RANBP10: variants seen among roughly 807,000 people sequenced by gnomAD.
RANBP10 encodes the protein RAN binding protein 10.
RANBP10 carries 24 observed loss-of-function variants against 72.8 expected under a neutral mutation model. The ratio of observed to expected loss-of-function variants is 0.33; its 90% CI spans 0.24 to 0.46. RANBP10 has a LOEUF of 0.46. Ranked by LOEUF, RANBP10 falls within the 20% of genes least tolerant of loss-of-function variation. The pLI is 1.00. For missense variants in RANBP10, 679 were observed against 817.5 expected (o/e 0.83, Z 2.07); for synonymous variants, 310 against 322.3 (o/e 0.96, Z 0.41).
Position 67,806,531 on chromosome 16 carries a change from C to A in RANBP10, c.6G>T (p.Ala2=), listed in dbSNP as rs1367553927. The change falls in exon 1 of 14, where the codon GCG becomes GCT. Residue 2 remains alanine, a synonymous_variant. Coordinates refer to ENST00000317506, the MANE Select transcript of RANBP10 (RefSeq NM_020850.3). The part of the protein sequence containing the change: M[A]AATADPGAGN... ...CAGCTCCCGGGTCTGCCGTCGCTGC[C>A]GCCATCTTGGAGGGAGCTACTATTG... 1 of 1,504,854 alleles carries A rather than the reference C, an allele frequency of 6.6e-7. No individual in the cohort carries two copies. Among genetic ancestry groups the A allele is most frequent in the East Asian group, 2.5e-5 (1 of 40,718 alleles). 93.2% of individuals were successfully genotyped at this position (1,504,854 alleles called of 1,614,324 possible).
chr16:67,755,721 T>C (rs1412202189), intron 3 of RANBP10, among the ~76,000 whole-genome samples: 1 of 141,664 alleles, frequency 7.1e-6, no homozygotes, highest in Admixed American at 7.1e-5. Context: ...CAAGTGGACA[T>C]GGCTGCTTGG....
intron 3 of RANBP10, among the ~76,000 whole-genome samples, chr16:67,747,072 G>C (rs1440106383): frequency 1.3e-5 from 2 of 152,220 alleles, no homozygotes; most frequent in Non-Finnish European, 2.9e-5. Flanking sequence ...TGGGTTATAA[G>C]ATAAGTGTAT....
intron 3 of RANBP10, 46 bp downstream of exon 3, chr16:67,771,988 T>C (rs757371319): frequency 1.3e-5 from 20 of 1,583,226 alleles, no homozygotes; most frequent in Non-Finnish European, 1.6e-5. Context: ...TCAACCCCAA[T>C]TGGATCAGGA....
chr16:67,761,401 C>A (rs1304612700), intron 3 of RANBP10, among the ~76,000 whole-genome samples: 1 of 152,156 alleles, frequency 6.6e-6, no homozygotes, highest in African/African-American at 2.4e-5. Context: ...AGAAAACACT[C>A]AAAACATCAA....
At chr16:67,737,904 G>T in intron 5 of RANBP10, 109 bp downstream of exon 5, 2 of 1,394,646 alleles carry the variant, frequency 1.4e-6, no homozygotes, top group South Asian at 1.2e-5. Context: ...ACACATCCCT[G>T]GTTGGGGAAA....
At chr16:67,764,570 A>T (rs1048559209) in intron 3 of RANBP10, among the ~76,000 whole-genome samples, 2 of 152,246 alleles carry the variant, frequency 1.3e-5, no homozygotes, top group Non-Finnish European at 2.9e-5. Context: ...GCAGTCTAAT[A>T]ATCTACTGTG....
At chr16:67,744,566 G>T in intron 3 of RANBP10, 111 bp from the exon 4 acceptor site, 1 of 1,190,862 alleles carries the variant, frequency 8.4e-7, no homozygotes, top group Non-Finnish European at 1.2e-6. Context: ...CCCCACCTCT[G>T]TCAGCACTCT....
At chr16:67,773,120 G>A (rs912065361) in intron 2 of RANBP10, among the ~76,000 whole-genome samples, 5 of 152,188 alleles carry the variant, frequency 3.3e-5, no homozygotes, top group Admixed American at 2.0e-4. Context: ...TGGAGGTGGG[G>A]CCTGGTGGCA....
rs576396067 is a variant in RANBP10 at position 67,788,285 on chromosome 16, C to G, written c.348-16199G>C. On this transcript the variant is annotated intron_variant, in intron 2 of 13. Coordinates refer to ENST00000317506, the MANE Select transcript of RANBP10 (RefSeq NM_020850.3). Reference sequence around the variant, plus strand: ...TTTTTTCTTTTGAGACAGAGTCTTGCTCTGTCGCCCAGGCTGGAGTGCAGT... The same window carrying G: ...TTTTTTCTTTTGAGACAGAGTCTTGGTCTGTCGCCCAGGCTGGAGTGCAGT... 2.0e-5 allele frequency among the ~76,000 whole-genome samples: 3 copies of G among 150,080 alleles called. No homozygotes were observed. The East Asian group carries it at 6.1e-4, about 31-fold the overall frequency.
chr16:67,752,372 G>A (rs1411975987), intron 3 of RANBP10, among the ~76,000 whole-genome samples: 2 of 152,154 alleles, frequency 1.3e-5, no homozygotes, highest in African/African-American at 4.8e-5. Context: ...ACAGGAGGCC[G>A]CTAGAAGCTA....
intron 3 of RANBP10, among the ~76,000 whole-genome samples, chr16:67,769,259 T>C (rs2054561468): frequency 6.6e-6 from 1 of 150,916 alleles, no homozygotes. Context: ...CTGGGCAACC[T>C]GGTGAAACCC....
intron 3 of RANBP10, among the ~76,000 whole-genome samples, chr16:67,768,710 T>C (rs748087626): frequency 6.6e-6 from 1 of 152,116 alleles, no homozygotes; most frequent in Non-Finnish European, 1.5e-5. Flanking sequence ...AGTGAGACCC[T>C]GTCTTTAAAT....
intron 3 of RANBP10, among the ~76,000 whole-genome samples, chr16:67,755,641 G>A (rs1204676496): frequency 2.8e-5 from 4 of 141,058 alleles, no homozygotes; most frequent in African/African-American, 5.4e-5. Context: ...CTAAGATCGC[G>A]CCACTGCACT....
At chr16:67,734,400 G>A (rs112877054) in intron 6 of RANBP10, among the ~76,000 whole-genome samples, 319 of 152,310 alleles carry the variant, frequency 2.1e-3, no homozygotes, top group Admixed American at 3.2e-3. Context: ...TGGTCCTAGG[G>A]AGAACTCCCT....
chr16:67,729,394 G>C lies in RANBP10; in HGVS notation c.1238C>G (p.Ser413Trp). 6.2e-7 allele frequency: 1 copy of C among 1,613,688 alleles called. No homozygotes were observed. Among genetic ancestry groups the C allele is most frequent in the Non-Finnish European group, 8.5e-7 (1 of 1,179,972 alleles). ...SKYPAPSSSS[S>W]SSSSSSSSSP... ...AGAGGACGAGGAGGAGGAGGAGGACGAGGATGAGGAGCTGGGTGCAGGGTA... is the reference window on the plus strand; with the variant it reads ...AGAGGACGAGGAGGAGGAGGAGGACCAGGATGAGGAGCTGGGTGCAGGGTA... Residue 413 changes from serine (S) to tryptophan (W), a missense_variant, in exon 10 of 14, where the codon TCG becomes TGG. Physicochemically the swap from Ser to Trp is radical, Grantham distance 177 (BLOSUM62 -3). Transcript: ENST00000317506. The surrounding 1 kb of genome is among the most constrained non-coding windows in gnomAD (Gnocchi z 7.1).
chr16:67,727,708 C>A, intron 12 of RANBP10, 43 bp downstream of exon 12: 1 of 1,612,964 alleles, frequency 6.2e-7, no homozygotes, highest in Non-Finnish European at 8.5e-7. Flanking sequence ...GCCCCCAACA[C>A]CAAATGGGGC....
chr16:67,758,479 G>A (rs888859339), intron 3 of RANBP10, among the ~76,000 whole-genome samples: 1 of 152,062 alleles, frequency 6.6e-6, no homozygotes, highest in South Asian at 2.1e-4. Context: ...CCTGAGCGAC[G>A]GCCAACCCCT....
At chr16:67,791,777 T>C (rs1042519618) in intron 2 of RANBP10, among the ~76,000 whole-genome samples, 4 of 152,138 alleles carry the variant, frequency 2.6e-5, no homozygotes, top group African/African-American at 9.7e-5. Context: ...AGTTACAAAA[T>C]GATCCTTGGA....
In RANBP10 at chr16:67,806,450, G is replaced by C; in HGVS notation, c.87C>G (p.Ser29=). 6.4e-7 allele frequency: 1 copy of C among 1,574,772 alleles called. No homozygotes were observed. The highest frequency in any genetic ancestry group is 1.4e-5 in the African/African-American group (1 of 73,886). Residue 29 remains serine (S), a synonymous_variant, in exon 1 of 14, where the codon TCC becomes TCG. Coordinates refer to ENST00000317506, the MANE Select transcript of RANBP10 (RefSeq NM_020850.3). ...GCCGGCTCAGCTCCTGCTCCCCAGG[G>C]GACGGCAGCCCGCCCCCAGCGCCCC... is the stretch of plus-strand genomic sequence containing the variant. The part of the protein sequence containing the change: ...SGGGAGGGLP[S]PGEQELSRRL...
Sources: gnomAD v4.1 joint callset for allele counts (sites outside exome capture counted in the v4.1 genomes callset) on GRCh38, gnomAD v4.1.1 for gene constraint, Gnocchi (gnomAD v3.1) non-coding constraint, MANE v1.5 for transcripts, NCBI Gene and HGNC (gene_info 2026-07-23, HGNC 2026-07-21) for gene names.